The following GRIP1 variants were observed in gnomAD, a reference collection of about 807,000 sequenced individuals.
GRIP1 encodes glutamate receptor-interacting protein 1.
GRIP1 carries 45 observed loss-of-function variants against 129.9 expected under a neutral mutation model. The observed-to-expected ratio is 0.35, with a 90% CI of 0.27 to 0.44. GRIP1 has a LOEUF of 0.44. Among genes scored for constraint, GRIP1 ranks in the 20% least tolerant of loss-of-function variants. GRIP1 has a pLI of 1.00. For missense variants in GRIP1, 1,196 were observed against 1,396.8 expected (o/e 0.86, Z 2.29); for synonymous variants, 530 against 520.8 (o/e 1.02, Z -0.24).
intron 1 of GRIP1, among the ~76,000 whole-genome samples, chr12:66,746,579 C>T (rs1363087135): frequency 6.6e-6 from 1 of 152,190 alleles, no homozygotes; most frequent in East Asian, 1.9e-4. Context: ...TCTTTCTCCA[C>T]CTTTGGTACC....
At chr12:66,723,523 G>C (rs145236556) in intron 1 of GRIP1, among the ~76,000 whole-genome samples, 1 of 151,810 alleles carries the variant, frequency 6.6e-6, no homozygotes, top group Non-Finnish European at 1.5e-5. Context: ...ATGTTGGCCA[G>C]GTTGGTCTCA....
At chr12:66,830,385 G>A (rs897064950) in intron 1 of GRIP1, among the ~76,000 whole-genome samples, 1 of 152,136 alleles carries the variant, frequency 6.6e-6, no homozygotes, top group Non-Finnish European at 1.5e-5. Flanking sequence ...TGAAAGTTAA[G>A]AGATGTGACC....
At chr12:66,539,360 C>T (rs2061701539) in intron 3 of GRIP1, 137 bp from the exon 4 acceptor site, 1 of 1,117,064 alleles carries the variant, frequency 9.0e-7, no homozygotes, top group East Asian at 2.4e-5. Flanking sequence ...GTCCCTGCCT[C>T]CTAGGAGACG....
chr12:66,656,985 G>A (rs776277976), intron 1 of GRIP1, among the ~76,000 whole-genome samples: 2 of 151,870 alleles, frequency 1.3e-5, no homozygotes, highest in African/African-American at 2.4e-5. Context: ...AGTAGAACCA[G>A]CCATGATTCT....
intron 7 of GRIP1, among the ~76,000 whole-genome samples, chr12:66,499,414 G>T (rs1333605473): frequency 6.6e-6 from 1 of 152,172 alleles, no homozygotes; most frequent in African/African-American, 2.4e-5. Context: ...TTACATTTGG[G>T]AGAAAGGCTC....
intron 1 of GRIP1, among the ~76,000 whole-genome samples, chr12:66,818,160 A>G (rs1442657632): frequency 6.6e-6 from 1 of 152,202 alleles, no homozygotes. Context: ...TTGACACATC[A>G]TGCATTTGTT....
At chr12:66,797,371 C>G (rs1004912062) in intron 1 of GRIP1, among the ~76,000 whole-genome samples, 29 of 152,106 alleles carry the variant, frequency 1.9e-4, no homozygotes, top group Non-Finnish European at 1.3e-4. Context: ...GTATGCTGCC[C>G]TGGGGAGACA....
chr12:66,501,767 A>T (rs2060400190), intron 7 of GRIP1, among the ~76,000 whole-genome samples: 1 of 152,226 alleles, frequency 6.6e-6, no homozygotes, highest in Non-Finnish European at 1.5e-5. Flanking sequence ...TCATTTTAGA[A>T]GTCCCATATA....
intron 1 of GRIP1, among the ~76,000 whole-genome samples, chr12:67,012,079 T>C (rs908944405): frequency 1.2e-4 from 18 of 152,172 alleles, no homozygotes; most frequent in African/African-American, 4.1e-4. Flanking sequence ...GCCTGGCACA[T>C]AGTAGTCATA....
At chr12:66,977,200 C>CTTT (rs554293693) in intron 1 of GRIP1, among the ~76,000 whole-genome samples, 6 of 139,670 alleles carry the variant, frequency 4.3e-5, no homozygotes, top group African/African-American at 1.6e-4. Flanking sequence ...TTAGGTCAAA[C>CTTT]TTTTTTTTTT....
At chr12:66,719,353 T>C (rs902024756) in intron 1 of GRIP1, among the ~76,000 whole-genome samples, 1 of 152,188 alleles carries the variant, frequency 6.6e-6, no homozygotes, top group African/African-American at 2.4e-5. Context: ...ATGGGTTCCA[T>C]TGAGGAGATG....
At chr12:66,490,874 GATC>G (rs1446611505) in intron 7 of GRIP1, among the ~76,000 whole-genome samples, 6 of 152,240 alleles carry the variant, frequency 3.9e-5, no homozygotes, top group African/African-American at 7.2e-5. Context: ...CCACATCACT[GATC>G]ATTAGAGAAA....
intron 24 of GRIP1, among the ~76,000 whole-genome samples, chr12:66,349,807 C>T (rs2054138484): frequency 7.9e-6 from 1 of 126,852 alleles, no homozygotes; most frequent in Non-Finnish European, 1.6e-5. Flanking sequence ...CATAGTGAGA[C>T]CCTGTCTCTA....
At chr12:66,701,645 C>T (rs2035358168) in intron 1 of GRIP1, among the ~76,000 whole-genome samples, 2 of 152,086 alleles carry the variant, frequency 1.3e-5, no homozygotes, top group South Asian at 4.1e-4. Context: ...GTGCAGTGCC[C>T]CAGAATTCAG....
chr12:66,548,476 G>C (rs565417951), intron 2 of GRIP1, among the ~76,000 whole-genome samples: 12 of 152,298 alleles, frequency 7.9e-5, no homozygotes, highest in African/African-American at 2.9e-4. Context: ...ATTCAAAGGA[G>C]GCTGAGAACT....
intron 11 of GRIP1, among the ~76,000 whole-genome samples, chr12:66,452,887 A>C (rs1345513625): frequency 6.6e-6 from 1 of 152,234 alleles, no homozygotes; most frequent in Non-Finnish European, 1.5e-5. Flanking sequence ...TTGCAATGCT[A>C]TCATTTTTTC....
chr12:66,924,924 C>T (rs1425478802), intron 1 of GRIP1, among the ~76,000 whole-genome samples: 2 of 152,126 alleles, frequency 1.3e-5, no homozygotes, highest in Admixed American at 6.5e-5. Context: ...GAGCCGAGAT[C>T]GTGCCGCTGC....
chr12:66,560,818 T>C (rs570826483), intron 2 of GRIP1, among the ~76,000 whole-genome samples: 1 of 152,176 alleles, frequency 6.6e-6, no homozygotes, highest in East Asian at 1.9e-4. Flanking sequence ...TAGCAGCATA[T>C]ACCCATATAC....
At chr12:66,487,098 T>C (rs972653739) in intron 7 of GRIP1, among the ~76,000 whole-genome samples, 1 of 152,190 alleles carries the variant, frequency 6.6e-6, no homozygotes, top group Non-Finnish European at 1.5e-5. Context: ...GCACAAAATT[T>C]CTTAAAGGTC....
Sources: allele counts gnomAD v4.1 joint callset (sites outside exome capture counted in the v4.1 genomes callset), GRCh38; gene constraint gnomAD v4.1.1; transcripts MANE v1.5; gene names NCBI Gene and HGNC (gene_info 2026-07-23, HGNC 2026-07-21).